VKORC1L1: variants seen among roughly 807,000 people sequenced by gnomAD.
The protein encoded by VKORC1L1 is vitamin K epoxide reductase complex subunit 1L1, also known as vitamin K epoxide reductase complex subunit 1-like protein 1.
In VKORC1L1, 2 loss-of-function variants were observed where a neutral mutation model predicts 18.9. The ratio of observed to expected loss-of-function variants is 0.11; its 90% CI spans 0.04 to 0.33. VKORC1L1 has a LOEUF of 0.33. Among genes scored for constraint, VKORC1L1 ranks in the 10% least tolerant of loss-of-function variants. The pLI, the probability that VKORC1L1 is intolerant of heterozygous loss-of-function variation, is 1.00. For synonymous variants in VKORC1L1, 96 were observed against 100.0 expected (o/e 0.96, Z 0.24); for missense variants, 123 against 224.1 (o/e 0.55, Z 2.88).
At chr7:65,870,247 C>T (rs1788709853), upstream of VKORC1L1, among the ~76,000 whole-genome samples, 1 of 146,186 alleles carries the variant, frequency 6.8e-6, no homozygotes. Context: ...TGGTGAAACC[C>T]CATCTCTACT....
intron 1 of VKORC1L1, among the ~76,000 whole-genome samples, chr7:65,935,598 T>G (rs1366456851): frequency 1.3e-5 from 2 of 152,168 alleles, no homozygotes; most frequent in Non-Finnish European, 2.9e-5. Context: ...CATGAGCCAC[T>G]GCACCTGGCC....
chr7:65,955,205 TAA>T lies in VKORC1L1; in HGVS notation c.*907_*908del, dbSNP rs1790274886. 6.6e-6 allele frequency: 1 copy of T among 152,166 alleles called. No individual in the cohort carries two copies. Among genetic ancestry groups the T allele is most frequent in the African/African-American group, 2.4e-5 (1 of 41,430 alleles). 9.4% of individuals were successfully genotyped at this position (152,166 alleles called of 1,614,324 possible). On this transcript the variant is annotated 3_prime_UTR_variant, in exon 3 of 3. Coordinates refer to ENST00000360768, the MANE Select transcript of VKORC1L1 (RefSeq NM_173517.6). ...GAAATATAAACATGGCATTTTTAGG[TAA>T]AGTTTCTTCCACTAGTTGAATTTTC...
chr7:65,894,982 A>G (rs2116369766), intron 1 of VKORC1L1, among the ~76,000 whole-genome samples: 1 of 152,340 alleles, frequency 6.6e-6, no homozygotes, highest in African/African-American at 2.4e-5. Flanking sequence ...GAATTGAATA[A>G]ATGCTAAAAC....
At chr7:65,952,116 G>T (rs966484631) in intron 2 of VKORC1L1, among the ~76,000 whole-genome samples, 5 of 152,212 alleles carry the variant, frequency 3.3e-5, no homozygotes, top group Non-Finnish European at 5.9e-5. Context: ...TTACAGTTGA[G>T]AAAAGAAAGG....
intron 1 of VKORC1L1, among the ~76,000 whole-genome samples, chr7:65,889,162 G>T (rs993652444): frequency 2.0e-5 from 3 of 151,092 alleles, no homozygotes; most frequent in African/African-American, 7.3e-5. Context: ...AGCAGCCTTA[G>T]GCCCTTCTGT....
At chr7:65,907,506 A>G (rs1198182343) in intron 1 of VKORC1L1, among the ~76,000 whole-genome samples, 3 of 152,282 alleles carry the variant, frequency 2.0e-5, no homozygotes, top group African/African-American at 4.8e-5. Context: ...CATGGTAGCA[A>G]TATTTCTGAC....
At chr7:65,953,463 G>GT (rs1790245663) in intron 2 of VKORC1L1, among the ~76,000 whole-genome samples, 1 of 152,240 alleles carries the variant, frequency 6.6e-6, no homozygotes, top group African/African-American at 2.4e-5. Flanking sequence ...GGCTGTTGAT[G>GT]TTACAAGTCA....
chr7:65,871,067 C>T (rs960977999), upstream of VKORC1L1, among the ~76,000 whole-genome samples: 1 of 152,206 alleles, frequency 6.6e-6, no homozygotes, highest in Non-Finnish European at 1.5e-5. Flanking sequence ...AGCCACCCCA[C>T]CTGGGCAGAG....
chr7:65,953,142 C>T (rs1477853870), intron 2 of VKORC1L1, among the ~76,000 whole-genome samples: 2 of 152,106 alleles, frequency 1.3e-5, no homozygotes, highest in African/African-American at 4.8e-5. Context: ...CACACATGTC[C>T]ACCATTTTTC....
intron 1 of VKORC1L1, among the ~76,000 whole-genome samples, chr7:65,935,257 A>T (rs1389505796): frequency 6.6e-6 from 1 of 151,480 alleles, no homozygotes; most frequent in Non-Finnish European, 1.5e-5. Context: ...ATCTTGAGGG[A>T]TGTAGAATTC....
At chr7:65,951,496 C>A (rs961813550) in intron 2 of VKORC1L1, among the ~76,000 whole-genome samples, 1 of 151,892 alleles carries the variant, frequency 6.6e-6, no homozygotes, top group Non-Finnish European at 1.5e-5. Flanking sequence ...ATTGTTTGAA[C>A]CTGGGAGACA....
chr7:65,915,882 G>T (rs1338816426), intron 1 of VKORC1L1, among the ~76,000 whole-genome samples: 1 of 151,936 alleles, frequency 6.6e-6, no homozygotes, highest in Non-Finnish European at 1.5e-5. Flanking sequence ...TTGCTGAGGC[G>T]GGCAGATCAC....
chr7:65,921,702 G>T (rs984979696), intron 1 of VKORC1L1, among the ~76,000 whole-genome samples: 1 of 152,134 alleles, frequency 6.6e-6, no homozygotes, highest in African/African-American at 2.4e-5. Flanking sequence ...CAAAAAATTA[G>T]CCGGGCGTGG....
upstream of VKORC1L1, among the ~76,000 whole-genome samples, chr7:65,873,046 G>A (rs1393970377): frequency 7.3e-6 from 1 of 136,930 alleles, no homozygotes; most frequent in Admixed American, 7.2e-5. Context: ...CGCGCGACCG[G>A]CCGCGCGGCG....
chr7:65,896,254 A>G (rs1306110416), intron 1 of VKORC1L1, among the ~76,000 whole-genome samples: 1 of 151,900 alleles, frequency 6.6e-6, no homozygotes, highest in Non-Finnish European at 1.5e-5. Flanking sequence ...TTTATGTTGT[A>G]TATTGCAGTT....
At chr7:65,925,812 G>A (rs373007885) in intron 1 of VKORC1L1, among the ~76,000 whole-genome samples, 1 of 152,098 alleles carries the variant, frequency 6.6e-6, no homozygotes, top group African/African-American at 2.4e-5. Flanking sequence ...GGAAATGAGA[G>A]TAAAGGAATA....
chr7:65,879,631 C>T (rs1271644840), intron 1 of VKORC1L1, among the ~76,000 whole-genome samples: 1 of 117,774 alleles, frequency 8.5e-6, no homozygotes, highest in Non-Finnish European at 1.7e-5. Context: ...AGAGTCCAAG[C>T]TCTTTACCAC....
rs139736170 is a variant in VKORC1L1 at position 65,937,963 on chromosome 7, A to T, written c.195-10708A>T. ...TGGCTCGTGTCTGTAATCCCAGCAC[A>T]TTGGGAGGCTGAGGTGAGTGGACCA... On this transcript the variant is annotated intron_variant, in intron 1 of 2. Transcript: ENST00000360768. Among the ~76,000 whole-genome samples, 791 of 152,194 alleles carry T rather than the reference A, an allele frequency of 5.2e-3. 5 individuals are homozygous for T. Among genetic ancestry groups the T allele is most frequent in the African/African-American group, 0.017 (711 of 41,514 alleles).
intron 1 of VKORC1L1, among the ~76,000 whole-genome samples, chr7:65,888,483 C>T (rs1252288440): frequency 1.3e-5 from 2 of 152,160 alleles, no homozygotes; most frequent in East Asian, 3.8e-4. Flanking sequence ...ATCTTCCCCA[C>T]ATTTCACTCC....
Sources: gnomAD v4.1 joint callset for allele counts (sites outside exome capture counted in the v4.1 genomes callset) on GRCh38, gnomAD v4.1.1 for gene constraint, MANE v1.5 for transcripts, NCBI Gene and HGNC (gene_info 2026-07-23, HGNC 2026-07-21) for gene names.